PDE1A: variants seen among roughly 807,000 people sequenced by gnomAD.
PDE1A encodes the protein dual specificity calcium/calmodulin-dependent 3',5'-cyclic nucleotide phosphodiesterase 1A.
PDE1A carries 35 observed loss-of-function variants against 61.7 expected under a neutral mutation model. The observed-to-expected ratio is 0.57, with a 90% CI of 0.43 to 0.75. PDE1A has a LOEUF of 0.75. PDE1A is among the 30% of genes least tolerant of loss of function. The pLI is 0.00. For missense variants in PDE1A, 597 were observed against 630.6 expected, an observed-to-expected ratio of 0.95 and a Z score of 0.57; for synonymous variants, 232 against 213.2, an observed-to-expected ratio of 1.09 and a Z score of -0.77.
the PDE1A span, among the ~76,000 whole-genome samples, chr2:182,683,140 T>G: frequency 1.3e-5 from 2 of 151,250 alleles, no homozygotes; most frequent in Non-Finnish European, 2.9e-5. Context: ...TTGCCCAGGC[T>G]GGAGTGCAGT....
At chr2:182,410,965 T>C (rs1020529187) in intron 1 of PDE1A, among the ~76,000 whole-genome samples, 1 of 152,198 alleles carries the variant, frequency 6.6e-6, no homozygotes, top group African/African-American at 2.4e-5. Flanking sequence ...TTCTCCCAAA[T>C]AGAATCTGCT....
At chr2:182,438,838 G>A (rs1297470798) in intron 2 of PDE1A, among the ~76,000 whole-genome samples, 4 of 151,984 alleles carry the variant, frequency 2.6e-5, no homozygotes, top group African/African-American at 7.2e-5. Flanking sequence ...TCAGAGAAAT[G>A]ATACTTTCTA....
intron 1 of PDE1A, among the ~76,000 whole-genome samples, chr2:182,373,311 T>A (rs1700219504): frequency 6.6e-6 from 1 of 152,072 alleles, no homozygotes; most frequent in Non-Finnish European, 1.5e-5. Context: ...TTCAATAAAA[T>A]GGTGGAAGGC....
At position 182,518,223 on chromosome 2, in the gene PDE1A, G is replaced by GT. The variant is rs202063979; in HGVS notation, c.101+4052dup. On this transcript the variant is annotated intron_variant, in intron 2 of 14. Coordinates refer to the PDE1A transcript ENST00000410103. Reference sequence around the variant, plus strand: ...TGCTAATAGCTCCTGTCACTTCCATGTTTTTTTTGCTAATTTTTATTTTAA... The same window carrying GT: ...TGCTAATAGCTCCTGTCACTTCCATGTTTTTTTTTGCTAATTTTTATTTTAA... 4.8e-4 allele frequency among the ~76,000 whole-genome samples: 73 copies of GT among 151,924 alleles called. 3 individuals are homozygous for GT. The East Asian group carries it at 0.01, about 21-fold the overall frequency.
chr2:182,636,889 C>T, the PDE1A span, among the ~76,000 whole-genome samples: 1 of 152,156 alleles, frequency 6.6e-6, no homozygotes, highest in Non-Finnish European at 1.5e-5. Flanking sequence ...CAGCAGGGGG[C>T]TGGTCTTTGC....
At chr2:182,466,594 A>G (rs2125788135) in intron 2 of PDE1A, among the ~76,000 whole-genome samples, 2 of 152,114 alleles carry the variant, frequency 1.3e-5, no homozygotes, top group Admixed American at 1.3e-4. Flanking sequence ...GAAATAGAAC[A>G]TTGGAAAGTT....
At chr2:182,699,941 C>T in the PDE1A span, among the ~76,000 whole-genome samples, 5 of 152,166 alleles carry the variant, frequency 3.3e-5, no homozygotes, top group Admixed American at 3.3e-4. Context: ...TTCCTGTAAT[C>T]ACTGCTCTTG....
the PDE1A span, among the ~76,000 whole-genome samples, chr2:182,709,449 G>T: frequency 6.6e-6 from 1 of 152,076 alleles, no homozygotes; most frequent in Non-Finnish European, 1.5e-5. Flanking sequence ...TTCTAGCTAG[G>T]CATTGAAGGA....
intron 1 of PDE1A, among the ~76,000 whole-genome samples, chr2:182,392,289 A>C (rs1169331268): frequency 2.0e-5 from 3 of 152,220 alleles, no homozygotes; most frequent in Admixed American, 2.0e-4. Context: ...CAGCATGTGC[A>C]GGGGAACTAC....
intron 2 of PDE1A, among the ~76,000 whole-genome samples, chr2:182,511,847 C>T (rs1452986873): frequency 6.6e-6 from 1 of 152,156 alleles, no homozygotes; most frequent in East Asian, 1.9e-4. Flanking sequence ...ACCAACAGAC[C>T]CTGTCTGACC....
chr2:182,296,929 TCTC>T (rs1265516810), intron 1 of PDE1A, among the ~76,000 whole-genome samples: 1 of 152,178 alleles, frequency 6.6e-6, no homozygotes, highest in East Asian at 1.9e-4. Flanking sequence ...ATGTCAGTCT[TCTC>T]CTGCCATTGG....
intron 2 of PDE1A, among the ~76,000 whole-genome samples, chr2:182,450,764 T>C (rs1048036558): frequency 1.5e-4 from 22 of 151,104 alleles, no homozygotes; most frequent in Admixed American, 4.7e-4. Context: ...CTTTTCACTA[T>C]GTATAAAAAA....
intron 1 of PDE1A, among the ~76,000 whole-genome samples, chr2:182,267,476 C>T (rs1299990895): frequency 6.6e-6 from 1 of 151,398 alleles, no homozygotes; most frequent in Non-Finnish European, 1.5e-5. Flanking sequence ...TTCACTATGC[C>T]AACCCCAAAA....
At chr2:182,240,087 G>C (rs1195217954) in intron 3 of PDE1A, 23 bp downstream of exon 3, 2 of 1,602,822 alleles carry the variant, frequency 1.2e-6, no homozygotes, top group African/African-American at 1.3e-5. Context: ...TTACTGTCTT[G>C]AGATACCAAC....
At chr2:182,252,919 A>C (rs888785849) in intron 2 of PDE1A, among the ~76,000 whole-genome samples, 1 of 152,236 alleles carries the variant, frequency 6.6e-6, no homozygotes, top group Non-Finnish European at 1.5e-5. Context: ...GAAGTAGGCT[A>C]TATAAATATA....
intron 13 of PDE1A, among the ~76,000 whole-genome samples, chr2:182,156,775 CTA>C (rs1310472470): frequency 2.6e-5 from 4 of 152,030 alleles, no homozygotes; most frequent in Non-Finnish European, 5.9e-5. Flanking sequence ...TGCACAAGTC[CTA>C]TACCCGTGGG....
the PDE1A span, among the ~76,000 whole-genome samples, chr2:182,553,773 G>A: frequency 6.6e-6 from 1 of 152,208 alleles, no homozygotes; most frequent in African/African-American, 2.4e-5. Flanking sequence ...AAAATGAGAA[G>A]ACAAGCATTC....
At chr2:182,423,044 G>A (rs1703379344) in intron 1 of PDE1A, among the ~76,000 whole-genome samples, 1 of 152,154 alleles carries the variant, frequency 6.6e-6, no homozygotes, top group Admixed American at 6.5e-5. Context: ...ATCACAGCGT[G>A]CCCAAAAGGC....
chr2:182,413,410 G>C (rs1702733825), intron 1 of PDE1A, among the ~76,000 whole-genome samples: 1 of 152,086 alleles, frequency 6.6e-6, no homozygotes, highest in African/African-American at 2.4e-5. Context: ...GAAGCACAAA[G>C]AAAAGAGTAG....
Sources: allele counts gnomAD v4.1 joint callset (sites outside exome capture counted in the v4.1 genomes callset), GRCh38; gene constraint gnomAD v4.1.1; transcripts MANE v1.5; gene names NCBI Gene and HGNC (gene_info 2026-07-23, HGNC 2026-07-21).